The following UTRN variants were observed in gnomAD, a reference collection of about 807,000 sequenced individuals.
UTRN encodes the protein utrophin.
UTRN carries 283 observed loss-of-function variants against 463.9 expected under a neutral mutation model. The observed-to-expected ratio is 0.61, with a 90% CI of 0.55 to 0.67. The LOEUF (loss-of-function observed/expected upper bound fraction) is 0.67, where lower values mean the gene tolerates loss of function less well. UTRN is among the 30% of genes least tolerant of loss of function. The pLI, the probability that UTRN is intolerant of heterozygous loss-of-function variation, is 0.00. For missense variants in UTRN, 3,922 were observed against 4,084.3 expected, an observed-to-expected ratio of 0.96 and a Z score of 1.08; for synonymous variants, 1,442 against 1,431.5, an observed-to-expected ratio of 1.01 and a Z score of -0.17.
intron 69 of UTRN, among the ~76,000 whole-genome samples, chr6:144,834,795 A>G (rs1780968802): frequency 6.6e-6 from 1 of 152,198 alleles, no homozygotes; most frequent in African/African-American, 2.4e-5. Flanking sequence ...CATCGCTTAC[A>G]CAGGAAGGAG....
chr6:144,523,263 A>T lies in UTRN; in HGVS notation c.5906+75A>T, dbSNP rs1224921831. The T allele has an allele frequency of 6.0e-6, 7 of 1,162,264 alleles. No individual in the cohort carries two copies. In the East Asian group the frequency reaches 1.7e-4, roughly 28 times the overall value. 72.0% of individuals were successfully genotyped at this position (1,162,264 alleles called of 1,614,324 possible). A position where few individuals can be genotyped will look rare whatever the true frequency, so the allele number is the denominator to read the frequency against. ...CATGGGCGTGAAGAAGATCATGTGG[A>T]CACTGAGATTAATGAGAACATGTTT... On this transcript the variant is annotated intron_variant, in intron 41 of 74. Coordinates refer to ENST00000367545, the MANE Select transcript of UTRN (RefSeq NM_007124.3).
At chr6:144,774,543 C>T (rs1775148415) in intron 60 of UTRN, among the ~76,000 whole-genome samples, 179 bp downstream of exon 60, 1 of 152,034 alleles carries the variant, frequency 6.6e-6, no homozygotes, top group African/African-American at 2.4e-5. Flanking sequence ...CATCAGTGTG[C>T]AGTACTGAAC....
chr6:144,554,820 A>T lies in UTRN; in HGVS notation c.7061A>T (p.Lys2354Ile). The T allele has an allele frequency of 2.5e-6, 4 of 1,614,070 alleles. No individual in the cohort carries two copies. Among genetic ancestry groups the T allele is most frequent in the Non-Finnish European group, 3.4e-6 (4 of 1,179,990 alleles). The change falls in exon 49 of 75, where the codon AAA (lysine) becomes ATA (isoleucine). Residue 2354 changes from lysine (K) to isoleucine (I), a missense_variant. Coordinates refer to ENST00000367545, the MANE Select transcript of UTRN (RefSeq NM_007124.3). ...HREETEELMR[K>I]YEARLYILQQ... The stretch of plus-strand genomic sequence containing the variant: ...GAGGAGACTGAAGAACTGATGAGAA[A>T]ATATGAGGCTCGACTCTATATTCTT...
chr6:144,481,121 A>G (rs1791816115), intron 26 of UTRN, among the ~76,000 whole-genome samples: 1 of 147,888 alleles, frequency 6.8e-6, no homozygotes, highest in African/African-American at 2.6e-5. Flanking sequence ...TAAATATTTG[A>G]TTGGGCAACA....
intron 2 of UTRN, among the ~76,000 whole-genome samples, chr6:144,350,443 C>T (rs1244209693): frequency 6.6e-6 from 1 of 152,144 alleles, no homozygotes; most frequent in Non-Finnish European, 1.5e-5. Context: ...TTGAAACCAT[C>T]CTGATTTAGT....
chr6:144,373,900 T>C (rs1780221757), intron 2 of UTRN, among the ~76,000 whole-genome samples: 1 of 152,354 alleles, frequency 6.6e-6, no homozygotes, highest in East Asian at 1.9e-4. Flanking sequence ...ACTCAGTGCT[T>C]GCAGAATATT....
At chr6:144,423,850 C>A in intron 5 of UTRN, 136 bp from the exon 6 acceptor site, 1 of 981,960 alleles carries the variant, frequency 1.0e-6, no homozygotes, top group East Asian at 2.5e-5. Flanking sequence ...TTAAGCTTAC[C>A]TGATTCTCTA....
At chr6:144,739,993 C>A (rs1032962863) in intron 54 of UTRN, among the ~76,000 whole-genome samples, 1 of 152,180 alleles carries the variant, frequency 6.6e-6, no homozygotes, top group Non-Finnish European at 1.5e-5. Flanking sequence ...TGACCATGTG[C>A]CACACACTGT....
In UTRN at chr6:144,435,927, T is replaced by G; in HGVS notation, c.856-8T>G. The G allele has an allele frequency of 6.2e-7, 1 of 1,613,126 alleles. No homozygotes were observed. The highest frequency in any genetic ancestry group is 8.5e-7 in the Non-Finnish European group (1 of 1,179,892). The stretch of plus-strand genomic sequence containing the variant: ...TAGTGTGGGTTTTTCTTGGCTTTGT[T>G]TTTACAGAGTACAGCGCCTGAGGAG... On this transcript the variant is annotated splice_region_variant and splice_polypyrimidine_tract_variant and intron_variant, in intron 9 of 74. Coordinates refer to ENST00000367545, the MANE Select transcript of UTRN (RefSeq NM_007124.3).
chr6:144,466,342 G>A (rs780866868), intron 23 of UTRN, among the ~76,000 whole-genome samples: 19 of 152,134 alleles, frequency 1.2e-4, no homozygotes, highest in Non-Finnish European at 1.5e-5. Context: ...TCAGTTTTCT[G>A]TTATTTGTTG....
At chr6:144,533,501 A>G (rs760832766) in intron 43 of UTRN, among the ~76,000 whole-genome samples, 1 of 152,088 alleles carries the variant, frequency 6.6e-6, no homozygotes, top group African/African-American at 2.4e-5. Flanking sequence ...TTTATTTACA[A>G]CTGCTTATTA....
chr6:144,839,883 G>A (rs1781411351), intron 72 of UTRN, among the ~76,000 whole-genome samples: 1 of 151,988 alleles, frequency 6.6e-6, no homozygotes, highest in African/African-American at 2.4e-5. Flanking sequence ...TACTGAGAAC[G>A]ATATATTGTA....
chr6:144,712,081 G>A (rs942786034), intron 53 of UTRN, among the ~76,000 whole-genome samples: 1 of 152,146 alleles, frequency 6.6e-6, no homozygotes, highest in South Asian at 2.1e-4. Context: ...TGTGTTAGAA[G>A]GTTGCCTACA....
chr6:144,441,071 A>T (rs187754060), intron 13 of UTRN, among the ~76,000 whole-genome samples: 2 of 152,278 alleles, frequency 1.3e-5, no homozygotes, highest in Non-Finnish European at 2.9e-5. Flanking sequence ...ACAATTCAAG[A>T]TGAGACTTGG....
At chr6:144,804,721 A>G (rs1777993619) in intron 65 of UTRN, among the ~76,000 whole-genome samples, 1 of 152,122 alleles carries the variant, frequency 6.6e-6, no homozygotes, top group Admixed American at 6.5e-5. Flanking sequence ...CAGGGGTCCT[A>G]TCCTTCCTGA....
intron 58 of UTRN, among the ~76,000 whole-genome samples, chr6:144,766,130 C>A (rs191020454): frequency 1.3e-5 from 2 of 151,952 alleles, no homozygotes; most frequent in Non-Finnish European, 2.9e-5. Context: ...CACCCACACC[C>A]ACACCCACAC....
At chr6:144,813,215 G>A (rs1362735516) in intron 65 of UTRN, among the ~76,000 whole-genome samples, 2 of 151,230 alleles carry the variant, frequency 1.3e-5, no homozygotes, top group Non-Finnish European at 2.9e-5. Flanking sequence ...TTGAAATGGA[G>A]TTTCGCTCTT....
chr6:144,781,987 C>G lies in UTRN; in HGVS notation c.8698C>G (p.Gln2900Glu), dbSNP rs140262054. Reference protein sequence around the residue: ...FKQHKLNQNDQLLSVPDVINC... With the variant: ...FKQHKLNQNDELLSVPDVINC... Reference sequence around the variant, plus strand: ...ACAGCACAAGTTGAACCAAAATGACCAGCTCCTCAGTGTTCCAGATGTCAT... The same window carrying G: ...ACAGCACAAGTTGAACCAAAATGACGAGCTCCTCAGTGTTCCAGATGTCAT... Residue 2900 changes from glutamine to glutamate, a missense_variant, in exon 61 of 75, where the codon CAG (glutamine) becomes GAG (glutamate). Gln to Glu is a conservative substitution (Grantham distance 29). Coordinates refer to ENST00000367545, the MANE Select transcript of UTRN (RefSeq NM_007124.3). 1.2e-6 allele frequency: 2 copies of G among 1,613,900 alleles called. No homozygotes were observed. The highest frequency in any genetic ancestry group is 1.7e-6 in the Non-Finnish European group (2 of 1,179,924).
At chr6:144,420,417 C>T (rs930503853) in intron 3 of UTRN, among the ~76,000 whole-genome samples, 1 of 152,146 alleles carries the variant, frequency 6.6e-6, no homozygotes, top group Admixed American at 6.5e-5. Context: ...TCAAACTGGA[C>T]TTAAAGCCGA....
Sources: gnomAD v4.1 joint callset for allele counts (sites outside exome capture counted in the v4.1 genomes callset) on GRCh38, gnomAD v4.1.1 for gene constraint, MANE v1.5 for transcripts, NCBI Gene and HGNC (gene_info 2026-07-23, HGNC 2026-07-21) for gene names.